NKAIN2: variants seen among roughly 807,000 people sequenced by gnomAD.
NKAIN2 encodes the protein sodium/potassium transporting ATPase interacting 2, also known as sodium/potassium-transporting ATPase subunit beta-1-interacting protein 2.
In NKAIN2, 14 loss-of-function variants were observed where a neutral mutation model predicts 32.6. That is an observed-to-expected ratio of 0.43 (90% CI 0.28 to 0.67). The LOEUF (loss-of-function observed/expected upper bound fraction) is 0.67. Among genes scored for constraint, NKAIN2 ranks in the 30% least tolerant of loss-of-function variants. NKAIN2 has a pLI of 0.17. For synonymous variants in NKAIN2, 80 were observed against 87.2 expected (o/e 0.92, Z 0.46); for missense variants, 198 against 258.3 (o/e 0.77, Z 1.60).
intron 1 of NKAIN2, among the ~76,000 whole-genome samples, chr6:124,157,400 G>C (rs1464415062): frequency 6.6e-6 from 1 of 151,994 alleles, no homozygotes; most frequent in Non-Finnish European, 1.5e-5. Flanking sequence ...TTTTCTGTGT[G>C]TAGTAAATTT....
intron 1 of NKAIN2, among the ~76,000 whole-genome samples, chr6:123,890,528 A>C (rs1773953714): frequency 6.6e-6 from 1 of 152,048 alleles, no homozygotes; most frequent in Non-Finnish European, 1.5e-5. Flanking sequence ...GTTCTTTAGA[A>C]AAGAGGAAAG....
At chr6:123,891,883 G>A (rs1420498478) in intron 1 of NKAIN2, among the ~76,000 whole-genome samples, 1 of 152,178 alleles carries the variant, frequency 6.6e-6, no homozygotes, top group African/African-American at 2.4e-5. Flanking sequence ...ATTATTGGTT[G>A]TCAAGCACTT....
At chr6:123,968,302 A>G (rs1453252424) in intron 1 of NKAIN2, among the ~76,000 whole-genome samples, 2 of 152,094 alleles carry the variant, frequency 1.3e-5, no homozygotes, top group African/African-American at 4.8e-5. Flanking sequence ...AATTAATCAC[A>G]TGTCCAAAAT....
At chr6:124,158,633 C>G (rs1788109226) in intron 1 of NKAIN2, among the ~76,000 whole-genome samples, 1 of 152,172 alleles carries the variant, frequency 6.6e-6, no homozygotes, top group Non-Finnish European at 1.5e-5. Flanking sequence ...TCCCAACACA[C>G]AGAGCACCTT....
intron 3 of NKAIN2, among the ~76,000 whole-genome samples, chr6:124,358,379 T>C (rs977949455): frequency 1.3e-5 from 2 of 152,118 alleles, no homozygotes; most frequent in African/African-American, 4.8e-5. Context: ...TGAACTAGTT[T>C]ACAGTCCCAC....
At chr6:123,838,388 A>G (rs1774719811) in intron 1 of NKAIN2, among the ~76,000 whole-genome samples, 1 of 152,174 alleles carries the variant, frequency 6.6e-6, no homozygotes, top group African/African-American at 2.4e-5. Flanking sequence ...AATGATTTAT[A>G]TAATAATGAG....
intron 5 of NKAIN2, among the ~76,000 whole-genome samples, chr6:124,805,365 G>A (rs1780495358): frequency 6.6e-6 from 1 of 152,172 alleles, no homozygotes; most frequent in Non-Finnish European, 1.5e-5. Context: ...CACCGCTGCT[G>A]ACACCCAGGC....
At chr6:124,721,361 G>T (rs1156942343) in intron 4 of NKAIN2, among the ~76,000 whole-genome samples, 5 of 144,912 alleles carry the variant, frequency 3.5e-5, no homozygotes, top group African/African-American at 1.3e-4. Flanking sequence ...CGGAGATCGC[G>T]CCACAGCACT....
intron 3 of NKAIN2, among the ~76,000 whole-genome samples, chr6:124,555,055 A>G (rs1233486179): frequency 6.6e-6 from 1 of 152,292 alleles, no homozygotes; most frequent in Admixed American, 6.5e-5. Flanking sequence ...GGACAACTCC[A>G]GTTAAACCTT....
Position 124,641,035 on chromosome 6 carries a change from A to G in NKAIN2, c.274-17151A>G, listed in dbSNP as rs140862813. ...CACTTCTTGAGAAGGAACTGTGAAC[A>G]TATCGGGTTTAACATGTTCCTGTAC... is the stretch of plus-strand genomic sequence containing the variant. On this transcript the variant is annotated intron_variant, in intron 3 of 6. Coordinates refer to ENST00000368417, the MANE Select transcript of NKAIN2 (RefSeq NM_001040214.3). Among the ~76,000 whole-genome samples the G allele has an allele frequency of 1.6e-3, 243 of 152,326 alleles. 1 individual carries two copies. The highest frequency in any genetic ancestry group is 5.5e-3 in the African/African-American group (228 of 41,572).
At chr6:124,807,372 C>T (rs1426871533) in intron 5 of NKAIN2, among the ~76,000 whole-genome samples, 1 of 150,416 alleles carries the variant, frequency 6.6e-6, no homozygotes, top group African/African-American at 2.4e-5. Context: ...AACTGAACAA[C>T]CTGCTCCTGA....
At chr6:123,912,476 T>C (rs973336551) in intron 1 of NKAIN2, among the ~76,000 whole-genome samples, 1 of 152,184 alleles carries the variant, frequency 6.6e-6, no homozygotes, top group South Asian at 2.1e-4. Context: ...TACTTCAAAT[T>C]AGGTGTATTT....
rs75811527 is a variant in NKAIN2 at position 123,920,155 on chromosome 6, G to A, written c.54+115901G>A. Reference sequence around the variant, plus strand: ...AATTTATGTAAGTACTGTTCCATGCGATGCAGATTTTATACATTTCTGGAG... The same window carrying A: ...AATTTATGTAAGTACTGTTCCATGCAATGCAGATTTTATACATTTCTGGAG... On this transcript the variant is annotated intron_variant, in intron 1 of 6. Coordinates refer to ENST00000368417, the MANE Select transcript of NKAIN2 (RefSeq NM_001040214.3). Among the ~76,000 whole-genome samples the A allele has an allele frequency of 8.1e-3, 1,237 of 152,110 alleles. 15 individuals are homozygous for A. Among genetic ancestry groups the A allele is most frequent in the African/African-American group, 0.028 (1,153 of 41,518 alleles).
intron 1 of NKAIN2, among the ~76,000 whole-genome samples, chr6:123,963,806 A>G (rs906589171): frequency 2.0e-5 from 3 of 152,184 alleles, no homozygotes; most frequent in Admixed American, 6.6e-5. Context: ...AATAATATTT[A>G]TTATAGCTAG....
chr6:123,838,153 A>G (rs1774709304), intron 1 of NKAIN2, among the ~76,000 whole-genome samples: 1 of 152,194 alleles, frequency 6.6e-6, no homozygotes, highest in Non-Finnish European at 1.5e-5. Flanking sequence ...CAGGAATGCA[A>G]CAATGATTTT....
intron 3 of NKAIN2, among the ~76,000 whole-genome samples, chr6:124,387,349 C>T (rs1772948879): frequency 6.6e-6 from 1 of 150,764 alleles, no homozygotes; most frequent in Non-Finnish European, 1.5e-5. Flanking sequence ...AAAGAACCTC[C>T]TTGCCCCATT....
chr6:123,873,107 A>G lies in NKAIN2; in HGVS notation c.54+68853A>G, dbSNP rs138835129. ...AGACCATGAACAAATAATGATTAAT[A>G]GAAATATGAGATAGTGATAAATACT... On this transcript the variant is annotated intron_variant, in intron 1 of 6. Coordinates refer to ENST00000368417, the MANE Select transcript of NKAIN2 (RefSeq NM_001040214.3). Among the ~76,000 whole-genome samples the G allele has an allele frequency of 6.6e-5, 10 of 152,322 alleles. No homozygotes were observed. In the East Asian group the frequency reaches 1.9e-3, roughly 29 times the overall value.
At chr6:124,602,253 T>C (rs1376093458) in intron 3 of NKAIN2, among the ~76,000 whole-genome samples, 1 of 152,000 alleles carries the variant, frequency 6.6e-6, no homozygotes, top group Non-Finnish European at 1.5e-5. Context: ...TCCTACTAAC[T>C]GCATTTGAGA....
chr6:124,118,888 A>G (rs1416927074), intron 1 of NKAIN2, among the ~76,000 whole-genome samples: 1 of 152,140 alleles, frequency 6.6e-6, no homozygotes, highest in Non-Finnish European at 1.5e-5. Flanking sequence ...AACCATAGGT[A>G]ATGTGTAAAT....
Sources: allele counts gnomAD v4.1 joint callset (sites outside exome capture counted in the v4.1 genomes callset), GRCh38; gene constraint gnomAD v4.1.1; transcripts MANE v1.5; gene names NCBI Gene and HGNC (gene_info 2026-07-23, HGNC 2026-07-21).